The following NFASC variants were observed in gnomAD, a reference collection of about 807,000 sequenced individuals.
NFASC encodes neurofascin homolog.
A neutral mutation model predicts 147.5 loss-of-function variants in NFASC; 43 were observed. The ratio of observed to expected loss-of-function variants is 0.29; its 90% confidence interval spans 0.23 to 0.38. The LOEUF is 0.38. NFASC is among the 10% of genes least tolerant of loss of function. NFASC has a pLI of 1.00. For missense variants in NFASC, 1,320 were observed against 1,689.0 expected, an observed-to-expected ratio of 0.78 and a Z score of 3.83; for synonymous variants, 622 against 665.5, an observed-to-expected ratio of 0.93 and a Z score of 1.01.
intron 1 of NFASC, among the ~76,000 whole-genome samples, chr1:204,888,136 T>C (rs1306366337): frequency 6.6e-6 from 1 of 152,214 alleles, no homozygotes; most frequent in Non-Finnish European, 1.5e-5. Flanking sequence ...GATTTCCGTG[T>C]CACCAGTTTC....
At position 204,997,421 on chromosome 1, in the gene NFASC, C is replaced by G; in HGVS notation, c.3019+15C>G. 1 of 1,551,796 alleles carries G rather than the reference C, an allele frequency of 6.4e-7. No homozygotes were observed. On this transcript the variant is annotated intron_variant, in intron 25 of 29. Transcript: ENST00000339876. Reference sequence around the variant, plus strand: ...ACACGAATCCGGTACTGCGCATCGCCCATGCTCCCCATCCCCTCCTGGCCC... The same window carrying G: ...ACACGAATCCGGTACTGCGCATCGCGCATGCTCCCCATCCCCTCCTGGCCC...
At chr1:204,926,408 T>A (rs200424119) in intron 2 of NFASC, among the ~76,000 whole-genome samples, 103 of 5,056 alleles carry the variant, frequency 0.02, no homozygotes, top group South Asian at 0.07. Context: ...ATATATATAT[T>A]TTTTTTTTTT....
In NFASC at chr1:204,954,682, C is replaced by T. The variant is rs1378484470; in HGVS notation, c.413-147C>T. On this transcript the variant is annotated intron_variant, in intron 6 of 29. Transcript: ENST00000339876. The surrounding 1 kb of genome is among the most constrained non-coding windows in gnomAD (Gnocchi z 5.7). ...TCTCAAGGGCGGCCCCTTGAGTAGG[C>T]TCACGTGCCCCGTCCCTCTCTCTTG... The T allele has an allele frequency of 2.1e-6, 2 of 975,024 alleles. No homozygotes were observed. The highest frequency in any genetic ancestry group is 1.6e-5 in the African/African-American group (1 of 61,286). The allele number at this position is 975,024 out of a possible 1,614,324, so 60.4% of individuals were successfully genotyped here.
intron 10 of NFASC, among the ~76,000 whole-genome samples, chr1:204,969,731 A>G (rs1055228687): frequency 6.6e-6 from 1 of 152,162 alleles, no homozygotes; most frequent in African/African-American, 2.4e-5. Context: ...AGAAAAATCC[A>G]CATTTCCACA....
chr1:204,849,869 G>A (rs1012152661), intron 1 of NFASC, among the ~76,000 whole-genome samples: 2 of 152,198 alleles, frequency 1.3e-5, no homozygotes, highest in Non-Finnish European at 2.9e-5. Flanking sequence ...CTTTTATGAT[G>A]TTGGGTCATT....
At chr1:204,909,603 G>C (rs1390032330) in intron 1 of NFASC, among the ~76,000 whole-genome samples, 2 of 152,144 alleles carry the variant, frequency 1.3e-5, no homozygotes, top group Non-Finnish European at 2.9e-5. Flanking sequence ...TTCCTTCTAT[G>C]AATTATACTT....
At chr1:204,980,264 A>G (rs756401466) in intron 19 of NFASC, 106 bp from the exon 20 acceptor site, 3 of 824,714 alleles carry the variant, frequency 3.6e-6, no homozygotes, top group Non-Finnish European at 6.2e-6. Context: ...ATGCCGAGGA[A>G]AGACAGAGCA....
At chr1:204,883,440 A>T (rs1026031678) in intron 1 of NFASC, among the ~76,000 whole-genome samples, 1 of 152,188 alleles carries the variant, frequency 6.6e-6, no homozygotes, top group African/African-American at 2.4e-5. Flanking sequence ...GTCAGCATGA[A>T]GGCCCCACCA....
At chr1:204,973,906 T>A (rs2095331894) in intron 12 of NFASC, among the ~76,000 whole-genome samples, 1 of 152,074 alleles carries the variant, frequency 6.6e-6, no homozygotes, top group Non-Finnish European at 1.5e-5. Flanking sequence ...AGGGCTGTGA[T>A]GGGGCAGCTA....
intron 1 of NFASC, among the ~76,000 whole-genome samples, chr1:204,899,350 G>C (rs186014127): frequency 3.3e-5 from 5 of 152,198 alleles, no homozygotes; most frequent in Non-Finnish European, 1.5e-5. Context: ...GTTTATTTGA[G>C]GTTTCTGCTC....
chr1:204,842,062 A>C (rs1363611789), intron 1 of NFASC, among the ~76,000 whole-genome samples: 1 of 152,094 alleles, frequency 6.6e-6, no homozygotes, highest in Admixed American at 6.5e-5. Context: ...TCAAGACCTT[A>C]TTAGGTATTT....
chr1:204,905,370 G>GTT (rs34545947), intron 1 of NFASC, among the ~76,000 whole-genome samples: 8 of 147,064 alleles, frequency 5.4e-5, no homozygotes, highest in African/African-American at 9.9e-5. Flanking sequence ...GTTATTTTCA[G>GTT]TTTTTTTTTT....
chr1:204,904,688 C>G (rs1002696427), intron 1 of NFASC, among the ~76,000 whole-genome samples: 13 of 152,188 alleles, frequency 8.5e-5, no homozygotes, highest in African/African-American at 3.1e-4. Context: ...TTCTGAGATC[C>G]CTTTCAGTTT....
intron 24 of NFASC, chr1:204,993,740 C>T (rs762773583): frequency 1.2e-5 from 6 of 515,938 alleles, no homozygotes; most frequent in South Asian, 2.8e-5. Context: ...GCTCCTATTG[C>T]GGCAGGAAAT....
chr1:204,962,886 G>T (rs1241937446), intron 8 of NFASC, among the ~76,000 whole-genome samples: 1 of 152,206 alleles, frequency 6.6e-6, no homozygotes, highest in Non-Finnish European at 1.5e-5. Context: ...ACAGCTGGTT[G>T]CTCAGTCTGA....
At chr1:204,846,579 A>G (rs770794352) in intron 1 of NFASC, among the ~76,000 whole-genome samples, 20 of 152,036 alleles carry the variant, frequency 1.3e-4, no homozygotes, top group Non-Finnish European at 2.5e-4. Context: ...AGCCTGAGGT[A>G]AGCTCTGGAT....
At chr1:204,942,749 G>A (rs1443681851) in intron 2 of NFASC, among the ~76,000 whole-genome samples, 1 of 152,152 alleles carries the variant, frequency 6.6e-6, no homozygotes, top group African/African-American at 2.4e-5. Flanking sequence ...GGTGGCAGTG[G>A]GAAAGGAGGC....
chr1:204,991,060 G>A (rs925971851), intron 23 of NFASC, among the ~76,000 whole-genome samples: 38 of 152,220 alleles, frequency 2.5e-4, no homozygotes, highest in African/African-American at 8.2e-4. Context: ...AGGCCCAGGT[G>A]GAAAGGTTTC....
intron 1 of NFASC, among the ~76,000 whole-genome samples, chr1:204,919,539 G>A (rs2090038488): frequency 6.6e-6 from 1 of 152,106 alleles, no homozygotes; most frequent in Non-Finnish European, 1.5e-5. Context: ...CCTGGAATTG[G>A]GATTGTTGGG....
Sources: allele counts gnomAD v4.1 joint callset (sites outside exome capture counted in the v4.1 genomes callset), GRCh38; gene constraint gnomAD v4.1.1; non-coding constraint Gnocchi (gnomAD v3.1); transcripts MANE v1.5; gene names NCBI Gene and HGNC (gene_info 2026-07-23, HGNC 2026-07-21).